The following INTS12 variants were observed in gnomAD, a reference collection of about 807,000 sequenced individuals.
INTS12 encodes integrator complex subunit 12.
INTS12 carries 13 observed loss-of-function variants against 41.6 expected under a neutral mutation model. The observed-to-expected ratio is 0.31, with a 90% CI of 0.20 to 0.50. The LOEUF is 0.50. Among genes scored for constraint, INTS12 ranks in the 20% least tolerant of loss-of-function variants. INTS12 has a pLI of 0.98. For missense variants in INTS12, 432 were observed against 541.6 expected (o/e 0.80, Z 2.01); for synonymous variants, 199 against 191.4 (o/e 1.04, Z -0.33).
Position 105,693,342 on chromosome 4 carries a change from C to G in INTS12, c.454G>C (p.Asp152His). The G allele has an allele frequency of 6.2e-7, 1 of 1,612,062 alleles. No individual in the cohort carries two copies. Among genetic ancestry groups the G allele is most frequent in the Non-Finnish European group, 8.5e-7 (1 of 1,178,638 alleles). Reference protein sequence around the residue: ...DLSSFEETSADDFAMEMGLAC... With the variant: ...DLSSFEETSAHDFAMEMGLAC... ...AATCCCATCTCCATGGCAAAATCAT[C>G]AGCACTGGTCTCCTCAAAACTGGAA... The change falls in exon 5 of 8, where the codon GAT becomes CAT. Residue 152 changes from aspartate to histidine, a missense_variant. Transcript: ENST00000340139.
In INTS12 at chr4:105,693,180, A is replaced by C. The variant is rs148953427; in HGVS notation, c.497+119T>G. ...CTACTTATCTCCACCCCAGTTCCAA[A>C]TAGTAAAAACAAAATAGAAAATGCA... On this transcript the variant is annotated intron_variant, in intron 5 of 7. Transcript: ENST00000340139. 1.5e-4 allele frequency: 111 copies of C among 748,672 alleles called. 1 individual carries two copies. In the East Asian group the frequency reaches 2.8e-3, roughly 19 times the overall value. 46.4% of individuals were successfully genotyped at this position (748,672 alleles called of 1,614,324 possible). A position where few individuals can be genotyped will look rare whatever the true frequency, so the allele number is the denominator to read the frequency against.
chr4:105,700,841 A>C (rs901961931), intron 2 of INTS12, among the ~76,000 whole-genome samples: 2 of 152,052 alleles, frequency 1.3e-5, no homozygotes, highest in Non-Finnish European at 2.9e-5. Flanking sequence ...AATACTAAAA[A>C]GTTTTGTTTT....
chr4:105,704,642 A>C, intron 1 of INTS12, among the ~76,000 whole-genome samples: 1 of 152,186 alleles, frequency 6.6e-6, no homozygotes, highest in Admixed American at 6.5e-5. Flanking sequence ...CTTGACATGG[A>C]TATATCATTG....
At chr4:105,699,242 A>T (rs1325467065) in intron 3 of INTS12, among the ~76,000 whole-genome samples, 1 of 152,240 alleles carries the variant, frequency 6.6e-6, no homozygotes, top group East Asian at 1.9e-4. Flanking sequence ...TAAACTACTC[A>T]GAAAAGTGCC....
At chr4:105,707,992 A>G (rs375350671) in intron 1 of INTS12, 12 of 985,364 alleles carry the variant, frequency 1.2e-5, no homozygotes, top group South Asian at 4.7e-5. Flanking sequence ...AACTGTTCAC[A>G]TAGAGTGCAG....
chr4:105,705,297 C>T (rs79577293), intron 1 of INTS12: 1 of 152,270 alleles, frequency 6.6e-6, no homozygotes, highest in African/African-American at 2.4e-5. Context: ...AATCTAATGC[C>T]TGATGATCTG....
intron 1 of INTS12, chr4:105,708,041 T>C (rs1732361702): frequency 3.0e-6 from 3 of 985,484 alleles, no homozygotes; most frequent in Non-Finnish European, 3.6e-6. Context: ...TAAAAAACTT[T>C]GTTCTTCATG....
intron 3 of INTS12, among the ~76,000 whole-genome samples, chr4:105,696,513 T>A (rs1014134027): frequency 2.0e-5 from 3 of 152,214 alleles, no homozygotes; most frequent in Non-Finnish European, 4.4e-5. Flanking sequence ...TTGAGATTCA[T>A]CCATGTTGTT....
At chr4:105,700,079 T>G (rs1732009095) in intron 2 of INTS12, 65 bp from the exon 3 acceptor site, 3 of 1,148,490 alleles carry the variant, frequency 2.6e-6, no homozygotes, top group Non-Finnish European at 3.5e-6. Context: ...AAAGTTTTAC[T>G]TTTCTGTTTT....
intron 4 of INTS12, among the ~76,000 whole-genome samples, chr4:105,693,702 A>G (rs962078214): frequency 6.6e-6 from 1 of 152,234 alleles, no homozygotes; most frequent in African/African-American, 2.4e-5. Flanking sequence ...GAAATAAATA[A>G]ATCAGAACAG....
chr4:105,688,771 G>C (rs560266262), intron 6 of INTS12, among the ~76,000 whole-genome samples: 8 of 152,288 alleles, frequency 5.3e-5, no homozygotes, highest in African/African-American at 1.9e-4. Flanking sequence ...GACTAATTAT[G>C]ATGAAGCCCC....
In INTS12 at chr4:105,699,864, G is replaced by A. The variant is rs762393921; in HGVS notation, c.142C>T (p.Arg48Cys). 3.1e-5 allele frequency: 48 copies of A among 1,531,068 alleles called. No individual in the cohort carries two copies. In the Middle Eastern group the frequency reaches 5.2e-4, roughly 17 times the overall value. 94.8% of individuals were successfully genotyped at this position (1,531,068 alleles called of 1,614,324 possible). ...CATTCAAGTACCTTTTGAGATGGAC[G>A]GTAACTGGAATCAATGCCCCGAGCC... Reference protein sequence around the residue: ...SLARGIDSSYRPSQKDVEPPK... With the variant: ...SLARGIDSSYCPSQKDVEPPK... Residue 48 changes from arginine to cysteine, a missense_variant, in exon 3 of 8, where the codon CGT becomes TGT. Physicochemically the swap from Arg to Cys is radical, Grantham distance 180. This residue lies in a region of INTS12 where 168 missense variants were observed against 198.9 expected (regional missense o/e 0.84). Transcript: ENST00000340139.
chr4:105,698,854 T>C (rs1385240692), intron 3 of INTS12, among the ~76,000 whole-genome samples: 2 of 152,240 alleles, frequency 1.3e-5, no homozygotes, highest in Non-Finnish European at 2.9e-5. Context: ...AGATTCTGGT[T>C]AGACTTGAGC....
At chr4:105,684,590 A>ATT (rs914245120) in intron 7 of INTS12, among the ~76,000 whole-genome samples, 1 of 152,102 alleles carries the variant, frequency 6.6e-6, no homozygotes, top group Non-Finnish European at 1.5e-5. Flanking sequence ...AGGAATCCAG[A>ATT]TATTTGTCCA....
In INTS12 at chr4:105,682,938, G is replaced by A; in HGVS notation, c.1184C>T (p.Pro395Leu). Reference protein sequence around the residue: ...VGLPSPSSLVPGSSSQLSGNG... With the variant: ...VGLPSPSSLVLGSSSQLSGNG... ...CCCACTTAGTTGGCTGCTGCTTCCTGGAACTAAACTACTTGGACTAGGAAG... is the reference window on the plus strand; with the variant it reads ...CCCACTTAGTTGGCTGCTGCTTCCTAGAACTAAACTACTTGGACTAGGAAG... Residue 395 changes from proline to leucine, a missense_variant, in exon 8 of 8, where the codon CCA becomes CTA. Around this residue, in one of 3 missense-constraint regions of INTS12, gnomAD observed 258 missense variants for 309.9 expected, o/e 0.83. Coordinates refer to ENST00000340139, the MANE Select transcript of INTS12 (RefSeq NM_020395.4). 6.2e-7 allele frequency: 1 copy of A among 1,614,084 alleles called. No individual in the cohort carries two copies. The highest frequency in any genetic ancestry group is 8.5e-7 in the Non-Finnish European group (1 of 1,179,964).
At position 105,701,256 on chromosome 4, in the gene INTS12, T is replaced by C. The variant is rs1732063077; in HGVS notation, c.-9-1242A>G. 7.4e-5 allele frequency among the ~76,000 whole-genome samples: 11 copies of C among 148,676 alleles called. 1 individual carries two copies. In the South Asian group the frequency reaches 2.1e-3, roughly 29 times the overall value. On this transcript the variant is annotated intron_variant, in intron 2 of 7. Coordinates refer to ENST00000340139, the MANE Select transcript of INTS12 (RefSeq NM_020395.4). ...GGCTTTTTTTTTTTTTTTTTTAAGT[T>C]CCCAGGAAGGTATTAGTTATCTACC...
chr4:105,699,238 A>G (rs1428091142), intron 3 of INTS12, among the ~76,000 whole-genome samples: 1 of 152,180 alleles, frequency 6.6e-6, no homozygotes, highest in African/African-American at 2.4e-5. Context: ...CACATAAACT[A>G]CTCAGAAAAG....
rs1429596138 is a variant in INTS12 at position 105,695,575 on chromosome 4, C to T, written c.250G>A (p.Gly84Ser). ...ACCTTTTCAGTTGTGAGGACCTTGC[C>T]ATTATTATTACCAGAAGGAAGACTG... ...SSSLPSGNNN[G>S]KVLTTEKVKK... Residue 84 changes from glycine (G) to serine (S), a missense_variant, in exon 4 of 8, where the codon GGC becomes AGC. Gly to Ser is a moderately conservative substitution (Grantham distance 56, BLOSUM62 0). Around this residue, in one of 3 missense-constraint regions of INTS12, gnomAD observed 168 missense variants for 198.9 expected, o/e 0.84. Transcript: ENST00000340139. The T allele has an allele frequency of 6.2e-7, 1 of 1,612,752 alleles. No individual in the cohort carries two copies. Among genetic ancestry groups the T allele is most frequent in the African/African-American group, 1.3e-5 (1 of 74,930 alleles).
chr4:105,686,491 A>C (rs961146220), intron 7 of INTS12, among the ~76,000 whole-genome samples: 1 of 152,230 alleles, frequency 6.6e-6, no homozygotes, highest in African/African-American at 2.4e-5. Flanking sequence ...ATTTGTGATA[A>C]AAAGAAAAAC....
Sources: gnomAD v4.1 joint callset for allele counts (sites outside exome capture counted in the v4.1 genomes callset) on GRCh38, gnomAD v4.1.1 for gene constraint, gnomAD v4.1.1 regional missense constraint, MANE v1.5 for transcripts, NCBI Gene and HGNC (gene_info 2026-07-23, HGNC 2026-07-21) for gene names.